NEURL1: variants seen among roughly 807,000 people sequenced by gnomAD.
NEURL1 encodes the protein neuralized E3 ubiquitin protein ligase 1.
In NEURL1, 26 loss-of-function variants were observed where a neutral mutation model predicts 41.2. The ratio of observed to expected loss-of-function variants is 0.63; its 90% CI spans 0.46 to 0.87. The LOEUF is 0.87. Ranked by LOEUF, NEURL1 falls within the 40% of genes least tolerant of loss-of-function variation. The probability of loss-of-function intolerance (pLI) is 0.00; values close to 1 mark genes in which losing one functional copy is unlikely to be tolerated. For synonymous variants in NEURL1, 400 were observed against 402.3 expected, an observed-to-expected ratio of 0.99 and a Z score of 0.07; for missense variants, 761 against 871.1, an observed-to-expected ratio of 0.87 and a Z score of 1.59.
At chr10:103,589,994 C>T in intron 5 of NEURL1, 140 bp from the exon 6 acceptor site, 1 of 896,720 alleles carries the variant, frequency 1.1e-6, no homozygotes, top group Non-Finnish European at 1.8e-6. Flanking sequence ...TCCCTTGTGC[C>T]CTGGAAGTTG....
intron 1 of NEURL1, among the ~76,000 whole-genome samples, chr10:103,496,064 C>G (rs1050965890): frequency 6.6e-6 from 1 of 151,324 alleles, no homozygotes; most frequent in African/African-American, 2.4e-5. Context: ...GAGCTGAGAT[C>G]GTTCCACTGC....
At chr10:103,582,859 C>T (rs934094125) in intron 3 of NEURL1, among the ~76,000 whole-genome samples, 6 of 152,180 alleles carry the variant, frequency 3.9e-5, no homozygotes, top group South Asian at 2.1e-4. Flanking sequence ...GATTGACTCA[C>T]GCAGAAAGGC....
intron 3 of NEURL1, among the ~76,000 whole-genome samples, chr10:103,583,491 G>A (rs2035826848): frequency 6.6e-6 from 1 of 151,932 alleles, no homozygotes; most frequent in African/African-American, 2.4e-5. Flanking sequence ...TGAGGCAGGA[G>A]GATCGCTTGA....
chr10:103,521,657 G>A (rs542069647), intron 1 of NEURL1, among the ~76,000 whole-genome samples: 63 of 152,314 alleles, frequency 4.1e-4, no homozygotes, highest in Admixed American at 8.5e-4. Context: ...GAATGGGCCC[G>A]TGAGGCTGGA....
chr10:103,529,847 T>C (rs2034532212), intron 1 of NEURL1, among the ~76,000 whole-genome samples: 1 of 152,294 alleles, frequency 6.6e-6, no homozygotes, highest in East Asian at 1.9e-4. Flanking sequence ...ATCATCCCTT[T>C]GTGATTCACC....
chr10:103,589,611 C>T lies in NEURL1; in HGVS notation c.1437C>T (p.Asp479=). ...GTGCCCTGGGCAGCCGCCTGTCTGA[C>T]CCCTTGCTCAGCACGTGCAGCTCTG... ...SPSALGSRLS[D]PLLSTCSSGP... Residue 479 remains aspartate, a synonymous_variant, in exon 5 of 6, where the codon GAC becomes GAT. Transcript: ENST00000369780. The T allele has an allele frequency of 6.2e-7, 1 of 1,613,948 alleles. No homozygotes were observed.
At position 103,520,125 on chromosome 10, in the gene NEURL1, TA is replaced by T. The variant is rs200698767; in HGVS notation, c.85+25656del. On this transcript the variant is annotated intron_variant, in intron 1 of 5. Coordinates refer to ENST00000369780, the MANE Select transcript of NEURL1 (RefSeq NM_004210.5). ...AAACAGTTTATTGCTTAAATTTTTA[TA>T]AAGGTAACATATACTTTTAGGAAAA... 8.1e-3 allele frequency among the ~76,000 whole-genome samples: 1,236 copies of T among 152,270 alleles called. 13 individuals are homozygous for T. Among genetic ancestry groups the T allele is most frequent in the African/African-American group, 0.028 (1,164 of 41,552 alleles).
In NEURL1 at chr10:103,493,769, C is replaced by CGGGGCGG. The variant is rs1310412809; in HGVS notation, c.-608_-602dup. Among the ~76,000 whole-genome samples the CGGGGCGG allele has an allele frequency of 4.7e-5, 7 of 150,128 alleles. No homozygotes were observed. The highest frequency in any genetic ancestry group is 7.3e-5 in the African/African-American group (3 of 41,226). ...GGAGCGAGGGAATCCTGGAGACTGCCGGGGCGGGGGGCGGGGGCGGCGGTC... is the reference window on the plus strand; with the variant it reads ...GGAGCGAGGGAATCCTGGAGACTGCCGGGGCGGGGGGCGGGGGGCGGGGGCGGCGGTC... On this transcript the variant is annotated 5_prime_UTR_variant, in exon 1 of 6. Transcript: ENST00000369780.
chr10:103,588,684 C>G, intron 4 of NEURL1: 1 of 425,388 alleles, frequency 2.4e-6, no homozygotes, highest in South Asian at 1.7e-5. Context: ...CAGCGGCTCA[C>G]CCCAGCAATC....
At chr10:103,577,527 G>C (rs111692927) in intron 3 of NEURL1, 2,035 of 152,660 alleles carry the variant, frequency 0.013, 49 homozygotes, top group African/African-American at 0.045. Context: ...GTGGAGCTGG[G>C]ATTTGAACCC....
intron 3 of NEURL1, among the ~76,000 whole-genome samples, chr10:103,579,941 G>A (rs7067892): frequency 0.27 from 40,588 of 151,886 alleles, 5,972 homozygotes; most frequent in East Asian, 0.45. Context: ...GCGAGACCCC[G>A]TATCAAAAAA....
chr10:103,548,982 C>G (rs1039726873), intron 1 of NEURL1: 2 of 152,258 alleles, frequency 1.3e-5, no homozygotes, highest in African/African-American at 4.8e-5. Flanking sequence ...ATGTTTGCCT[C>G]CAGCTAGGGA....
chr10:103,536,246 T>A (rs954552316), intron 1 of NEURL1, among the ~76,000 whole-genome samples: 1 of 152,194 alleles, frequency 6.6e-6, no homozygotes, highest in Non-Finnish European at 1.5e-5. Flanking sequence ...GTTATTTTTG[T>A]TAAAATAACA....
intron 1 of NEURL1, among the ~76,000 whole-genome samples, chr10:103,550,240 C>T (rs544638549): frequency 2.0e-5 from 3 of 152,194 alleles, no homozygotes; most frequent in East Asian, 3.9e-4. Context: ...CAAGATGGCA[C>T]CCAAGGGAAG....
intron 1 of NEURL1, among the ~76,000 whole-genome samples, chr10:103,507,233 A>G (rs1318110352): frequency 3.3e-5 from 5 of 152,202 alleles, no homozygotes; most frequent in African/African-American, 1.2e-4. Flanking sequence ...TGAGGGGGAC[A>G]AGTGCTGGCC....
chr10:103,590,374 C>G lies in NEURL1; in HGVS notation c.*2C>G. 1 of 1,610,472 alleles carries G rather than the reference C, an allele frequency of 6.2e-7. No individual in the cohort carries two copies. Among genetic ancestry groups the G allele is most frequent in the Non-Finnish European group, 8.5e-7 (1 of 1,176,958 alleles). On this transcript the variant is annotated 3_prime_UTR_variant, in exon 6 of 6. Coordinates refer to ENST00000369780, the MANE Select transcript of NEURL1 (RefSeq NM_004210.5). ...ATCAAGACCTACCGCAGCTCCTAGC[C>G]CGTTGCGGTGGCCCATCCCGCATAC...
chr10:103,587,269 C>T (rs925289440), intron 4 of NEURL1, among the ~76,000 whole-genome samples: 1 of 152,216 alleles, frequency 6.6e-6, no homozygotes, highest in Admixed American at 6.5e-5. Context: ...TTTCTTCCCT[C>T]AGCACCATCT....
At chr10:103,578,144 T>C (rs960491892) in intron 3 of NEURL1, among the ~76,000 whole-genome samples, 2 of 152,206 alleles carry the variant, frequency 1.3e-5, no homozygotes, top group African/African-American at 4.8e-5. Context: ...TCTGGGCAGT[T>C]CTCAGCTTCT....
At position 103,591,097 on chromosome 10, in the gene NEURL1, C is replaced by A. The variant is rs547066994; in HGVS notation, c.*725C>A. 1 of 152,966 alleles carries A rather than the reference C, an allele frequency of 6.5e-6. No individual in the cohort carries two copies. Among genetic ancestry groups the A allele is most frequent in the African/African-American group, 2.4e-5 (1 of 41,580 alleles). 9.5% of individuals were successfully genotyped at this position (152,966 alleles called of 1,614,324 possible). Reference sequence around the variant, plus strand: ...CTGCAGAGGGCTCCAGGTTCTGGGCCCCTGGCTGAGAAGGGGAGGATCCTG... The same window carrying A: ...CTGCAGAGGGCTCCAGGTTCTGGGCACCTGGCTGAGAAGGGGAGGATCCTG... On this transcript the variant is annotated 3_prime_UTR_variant, in exon 6 of 6. Transcript: ENST00000369780.
Sources: gnomAD v4.1 joint callset for allele counts (sites outside exome capture counted in the v4.1 genomes callset) on GRCh38, gnomAD v4.1.1 for gene constraint, MANE v1.5 for transcripts, NCBI Gene and HGNC (gene_info 2026-07-23, HGNC 2026-07-21) for gene names.